SLCO3A1: variants seen among roughly 807,000 people sequenced by gnomAD.
SLCO3A1 encodes the protein solute carrier organic anion transporter family member 3A1.
A neutral mutation model predicts 63.1 loss-of-function variants in SLCO3A1; 27 were observed. That is an observed-to-expected ratio of 0.43 (90% confidence interval 0.32 to 0.59). SLCO3A1 has a LOEUF of 0.59. Ranked by LOEUF, SLCO3A1 falls within the 20% of genes least tolerant of loss-of-function variation. The probability of loss-of-function intolerance (pLI) is 0.09; values close to 1 mark genes in which losing one functional copy is unlikely to be tolerated. For synonymous variants in SLCO3A1, 473 were observed against 409.9 expected, an observed-to-expected ratio of 1.15 and a Z score of -1.86; for missense variants, 773 against 945.8, an observed-to-expected ratio of 0.82 and a Z score of 2.40.
chr15:92,056,673 G>A (rs986338665), intron 2 of SLCO3A1, among the ~76,000 whole-genome samples: 9 of 152,158 alleles, frequency 5.9e-5, no homozygotes, highest in Non-Finnish European at 1.0e-4. Flanking sequence ...CTAATATCCA[G>A]TTGAGGTCTG....
intron 2 of SLCO3A1, among the ~76,000 whole-genome samples, chr15:91,982,966 C>T (rs2046006224): frequency 6.6e-6 from 1 of 152,250 alleles, no homozygotes; most frequent in Admixed American, 6.5e-5. Context: ...GGGAGTCTGT[C>T]CCTTTACGGA....
At chr15:92,144,582 G>A (rs577931842) in intron 7 of SLCO3A1, among the ~76,000 whole-genome samples, 1 of 152,318 alleles carries the variant, frequency 6.6e-6, no homozygotes, top group South Asian at 2.1e-4. Flanking sequence ...GGTTCTGCCT[G>A]TGTCTGTGGT....
intron 6 of SLCO3A1, among the ~76,000 whole-genome samples, chr15:92,127,506 C>T (rs748107167): frequency 1.4e-4 from 21 of 152,122 alleles, no homozygotes; most frequent in Non-Finnish European, 2.6e-4. Context: ...TGAAATAATC[C>T]ATGCAGTACT....
chr15:92,029,711 T>C (rs1472962680), intron 2 of SLCO3A1, among the ~76,000 whole-genome samples: 2 of 151,796 alleles, frequency 1.3e-5, no homozygotes, highest in African/African-American at 4.8e-5. Flanking sequence ...GCTGACACTG[T>C]GTAAATGAAT....
chr15:92,097,068 A>T (rs1433419941), intron 3 of SLCO3A1, among the ~76,000 whole-genome samples: 1 of 152,184 alleles, frequency 6.6e-6, no homozygotes, highest in African/African-American at 2.4e-5. Flanking sequence ...TCCTGATGCA[A>T]TGGGGAAGCC....
chr15:92,162,654 CAT>C (rs1752211850), intron 9 of SLCO3A1, 100 bp from the exon 10 acceptor site: 4 of 1,504,244 alleles, frequency 2.7e-6, no homozygotes, highest in Middle Eastern at 2.4e-4. Context: ...CGGAGTCAGA[CAT>C]ATTTGCCTAG....
intron 2 of SLCO3A1, among the ~76,000 whole-genome samples, chr15:92,083,788 T>C (rs1014914643): frequency 2.0e-5 from 3 of 152,218 alleles, no homozygotes; most frequent in South Asian, 2.1e-4. Context: ...CTAAAATTTA[T>C]TGAGCACTTA....
At chr15:92,128,288 T>G (rs1349536186) in intron 6 of SLCO3A1, 63 bp from the exon 7 acceptor site, 1 of 1,603,110 alleles carries the variant, frequency 6.2e-7, no homozygotes, top group Non-Finnish European at 8.5e-7. Flanking sequence ...AGGCTGTCAC[T>G]GGGGGCATCT....
intron 2 of SLCO3A1, among the ~76,000 whole-genome samples, chr15:91,985,596 A>G (rs2046041847): frequency 6.6e-6 from 1 of 152,204 alleles, no homozygotes; most frequent in African/African-American, 2.4e-5. Flanking sequence ...ACGCTCACCA[A>G]CACTTGGTAT....
intron 2 of SLCO3A1, among the ~76,000 whole-genome samples, chr15:92,006,135 C>T: frequency 6.6e-6 from 1 of 152,224 alleles, no homozygotes; most frequent in South Asian, 2.1e-4. Flanking sequence ...AAGCAACAAT[C>T]AGAAAATATT....
At chr15:92,085,430 A>G (rs567894460) in intron 2 of SLCO3A1, among the ~76,000 whole-genome samples, 1 of 152,348 alleles carries the variant, frequency 6.6e-6, no homozygotes, top group South Asian at 2.1e-4. Context: ...CTGGAAGCCA[A>G]GTGCCCCGGG....
chr15:91,906,949 C>A, intron 1 of SLCO3A1, among the ~76,000 whole-genome samples: 1 of 149,556 alleles, frequency 6.7e-6, no homozygotes, highest in South Asian at 2.1e-4. Flanking sequence ...TTTAAAGAGA[C>A]AATCATGAAA....
At chr15:92,053,703 T>TTA (rs1471492353) in intron 2 of SLCO3A1, among the ~76,000 whole-genome samples, 1 of 151,034 alleles carries the variant, frequency 6.6e-6, no homozygotes, top group African/African-American at 2.4e-5. Flanking sequence ...TTTGTTTTTT[T>TTA]TTTTTTTACT....
chr15:91,955,493 C>T (rs537346964), intron 2 of SLCO3A1, among the ~76,000 whole-genome samples: 120 of 152,260 alleles, frequency 7.9e-4, no homozygotes, highest in African/African-American at 2.6e-3. Flanking sequence ...CCGCCCCACC[C>T]GGCCAAGTTT....
At position 92,012,742 on chromosome 15, in the gene SLCO3A1, TAAAAAA is replaced by T. The variant is rs33945478; in HGVS notation, c.647-82123_647-82118del. Among the ~76,000 whole-genome samples the T allele has an allele frequency of 3.9e-4, 50 of 126,684 alleles. 1 individual carries two copies. Among genetic ancestry groups the T allele is most frequent in the East Asian group, 3.5e-3 (14 of 4,054 alleles). 83.1% of individuals were successfully genotyped at this position (126,684 alleles called of 152,430 possible). A position where few individuals can be genotyped will look rare whatever the true frequency, so the allele number is the denominator to read the frequency against. ...ACATGATGAAATGCTGTCTCTAATTTAAAAAAAAAAAAAAAAAAAAAGGCTCAGACG... is the reference window on the plus strand; with the variant it reads ...ACATGATGAAATGCTGTCTCTAATTTAAAAAAAAAAAAAAAGGCTCAGACG... On this transcript the variant is annotated intron_variant, in intron 2 of 9. Coordinates refer to ENST00000318445, the MANE Select transcript of SLCO3A1 (RefSeq NM_013272.4).
intron 2 of SLCO3A1, among the ~76,000 whole-genome samples, chr15:91,963,422 G>A (rs988833932): frequency 7.9e-6 from 1 of 127,252 alleles, no homozygotes; most frequent in Non-Finnish European, 1.7e-5. Context: ...GGGGGGGGGC[G>A]GCAGCAGCCT....
chr15:92,107,235 A>C (rs901864226), intron 4 of SLCO3A1, among the ~76,000 whole-genome samples: 3 of 152,220 alleles, frequency 2.0e-5, no homozygotes, highest in Non-Finnish European at 2.9e-5. Flanking sequence ...ATTGGCCCAT[A>C]ATGGACTAAA....
chr15:92,120,721 C>A, intron 5 of SLCO3A1, 92 bp downstream of exon 5: 3 of 1,089,718 alleles, frequency 2.8e-6, no homozygotes, highest in South Asian at 1.4e-5. Context: ...TGAAGAACCC[C>A]ACTCTGCTCT....
At chr15:91,963,400 G>GGGGA in intron 2 of SLCO3A1, among the ~76,000 whole-genome samples, 2 of 128,200 alleles carry the variant, frequency 1.6e-5, no homozygotes, top group Non-Finnish European at 3.3e-5. Context: ...GGTTTAACTC[G>GGGGA]GGGAGGGTGG....
Sources: gnomAD v4.1 joint callset for allele counts (sites outside exome capture counted in the v4.1 genomes callset) on GRCh38, gnomAD v4.1.1 for gene constraint, MANE v1.5 for transcripts, NCBI Gene and HGNC (gene_info 2026-07-23, HGNC 2026-07-21) for gene names.